The following GRIK1 variants were observed in gnomAD, a reference collection of about 807,000 sequenced individuals.
The protein encoded by GRIK1 is glutamate receptor ionotropic, kainate 1.
A neutral mutation model predicts 105.7 loss-of-function variants in GRIK1; 69 were observed. That is an observed-to-expected ratio of 0.65 (90% CI 0.54 to 0.80). The LOEUF (loss-of-function observed/expected upper bound fraction) is 0.80. Ranked by LOEUF, GRIK1 falls within the 30% of genes least tolerant of loss-of-function variation. The pLI, the probability that GRIK1 is intolerant of heterozygous loss-of-function variation, is 0.00. For missense variants in GRIK1, 1,109 were observed against 1,167.3 expected, an observed-to-expected ratio of 0.95 and a Z score of 0.73; for synonymous variants, 438 against 431.3, an observed-to-expected ratio of 1.02 and a Z score of -0.19.
chr21:29,600,519 G>C (rs1007775836), intron 7 of GRIK1, among the ~76,000 whole-genome samples: 1 of 152,178 alleles, frequency 6.6e-6, no homozygotes, highest in East Asian at 1.9e-4. Flanking sequence ...TATCCACTTA[G>C]CTGTTTTTCT....
chr21:29,704,314 A>G (rs2063864612), intron 1 of GRIK1, among the ~76,000 whole-genome samples: 1 of 152,176 alleles, frequency 6.6e-6, no homozygotes, highest in Admixed American at 6.5e-5. Context: ...TATTCTATCA[A>G]TAAAGCAAAA....
intron 1 of GRIK1, among the ~76,000 whole-genome samples, chr21:29,827,495 G>T (rs564273049): frequency 6.6e-6 from 1 of 152,174 alleles, no homozygotes; most frequent in Admixed American, 6.6e-5. Flanking sequence ...GTCCAGATTT[G>T]ATATAATGTT....
At chr21:29,919,354 G>A (rs774092998) in intron 1 of GRIK1, among the ~76,000 whole-genome samples, 6 of 152,156 alleles carry the variant, frequency 3.9e-5, no homozygotes, top group Non-Finnish European at 5.9e-5. Context: ...CTGCAGAAAA[G>A]TGTCTCTTGT....
intron 3 of GRIK1, among the ~76,000 whole-genome samples, chr21:29,675,097 A>ACTATTATTATT (rs1305196366): frequency 3.9e-5 from 6 of 152,238 alleles, no homozygotes; most frequent in African/African-American, 1.4e-4. Context: ...AACCATTATT[A>ACTATTATTATT]CTATTATTAT....
At chr21:29,568,656 C>G (rs552150634) in intron 14 of GRIK1, among the ~76,000 whole-genome samples, 53 of 152,310 alleles carry the variant, frequency 3.5e-4, no homozygotes, top group African/African-American at 1.3e-3. Flanking sequence ...CAAGCTTCTA[C>G]TGAGAAGTAT....
intron 1 of GRIK1, among the ~76,000 whole-genome samples, chr21:29,695,456 C>CTATT (rs1188822401): frequency 3.5e-5 from 5 of 143,836 alleles, no homozygotes; most frequent in Non-Finnish European, 6.1e-5. Context: ...ATCTATCTAT[C>CTATT]TATCTATCTA....
At chr21:29,848,703 A>G (rs1378788275) in intron 1 of GRIK1, among the ~76,000 whole-genome samples, 1 of 148,276 alleles carries the variant, frequency 6.7e-6, no homozygotes, top group Admixed American at 6.7e-5. Flanking sequence ...CGTTTATTAC[A>G]TATACTACAG....
At chr21:29,699,450 A>G (rs1421234169) in intron 1 of GRIK1, among the ~76,000 whole-genome samples, 1 of 152,134 alleles carries the variant, frequency 6.6e-6, no homozygotes, top group African/African-American at 2.4e-5. Flanking sequence ...AGCAAGAAGG[A>G]GGCCATCTGC....
chr21:29,567,132 C>A (rs1300458294), intron 14 of GRIK1, among the ~76,000 whole-genome samples: 1 of 152,084 alleles, frequency 6.6e-6, no homozygotes, highest in Non-Finnish European at 1.5e-5. Context: ...ACAGTTAGAA[C>A]CTGGAAAAAA....
At chr21:29,672,865 G>A (rs1192969035) in intron 4 of GRIK1, 118 bp downstream of exon 4, 5 of 725,712 alleles carry the variant, frequency 6.9e-6, no homozygotes, top group African/African-American at 5.3e-5. Flanking sequence ...ATAATCTTTA[G>A]CATAAACGGG....
chr21:29,562,774 TTAATA>T (rs2090514181), intron 14 of GRIK1, among the ~76,000 whole-genome samples: 1 of 152,204 alleles, frequency 6.6e-6, no homozygotes. Context: ...AAGTGTTCTA[TTAATA>T]TATTTGTCTT....
At chr21:29,757,653 C>T (rs1054940621) in intron 1 of GRIK1, among the ~76,000 whole-genome samples, 3 of 152,144 alleles carry the variant, frequency 2.0e-5, no homozygotes, top group African/African-American at 4.8e-5. Context: ...AAGAGCTTAT[C>T]GAGTGTGTAC....
intron 6 of GRIK1, among the ~76,000 whole-genome samples, chr21:29,644,541 A>T (rs765777667): frequency 2.6e-5 from 4 of 152,218 alleles, no homozygotes; most frequent in Non-Finnish European, 5.9e-5. Context: ...TGACATACTG[A>T]CGTTGGATTG....
At chr21:29,700,439 T>A (rs2063790219) in intron 1 of GRIK1, among the ~76,000 whole-genome samples, 1 of 152,188 alleles carries the variant, frequency 6.6e-6, no homozygotes, top group Admixed American at 6.5e-5. Flanking sequence ...CTAAGGTCAA[T>A]AATGTGCTAT....
At chr21:29,610,675 T>C (rs1404245113) in intron 7 of GRIK1, among the ~76,000 whole-genome samples, 1 of 152,096 alleles carries the variant, frequency 6.6e-6, no homozygotes, top group African/African-American at 2.4e-5. Flanking sequence ...TGTGTTAGAG[T>C]TCTGACTGCC....
chr21:29,729,995 A>T (rs1310082050), intron 1 of GRIK1, among the ~76,000 whole-genome samples: 1 of 152,204 alleles, frequency 6.6e-6, no homozygotes, highest in Non-Finnish European at 1.5e-5. Flanking sequence ...CATGACTTCG[A>T]CACTATTATA....
At chr21:29,603,010 G>A (rs911833921) in intron 7 of GRIK1, among the ~76,000 whole-genome samples, 2 of 152,074 alleles carry the variant, frequency 1.3e-5, no homozygotes, top group African/African-American at 4.8e-5. Flanking sequence ...TATGAACACA[G>A]GGATAGCACA....
chr21:29,742,139 G>A (rs927209724), intron 1 of GRIK1, among the ~76,000 whole-genome samples: 2 of 152,090 alleles, frequency 1.3e-5, no homozygotes, highest in African/African-American at 4.8e-5. Context: ...CAAAGTCTTT[G>A]GATGCAAGAT....
chr21:29,651,633 G>T (rs1272822989), intron 5 of GRIK1, among the ~76,000 whole-genome samples: 1 of 152,088 alleles, frequency 6.6e-6, no homozygotes, highest in Non-Finnish European at 1.5e-5. Flanking sequence ...AGCTGTCTCA[G>T]TTATGAGGTA....
Sources: allele counts gnomAD v4.1 joint callset (sites outside exome capture counted in the v4.1 genomes callset), GRCh38; gene constraint gnomAD v4.1.1; transcripts MANE v1.5; gene names NCBI Gene and HGNC (gene_info 2026-07-23, HGNC 2026-07-21).